Variants in FHIP1A observed in about 807,000 individuals in gnomAD.
FHIP1A encodes FHF complex subunit HOOK interacting protein 1A, also known as FHF complex subunit HOOK-interacting protein 1A.
Under a neutral mutation model 88.6 loss-of-function variants are expected in FHIP1A, and 61 were observed. That is an observed-to-expected ratio of 0.69 (90% CI 0.56 to 0.85). The LOEUF is 0.85. Among genes scored for constraint, FHIP1A ranks in the 40% least tolerant of loss-of-function variants. FHIP1A has a pLI of 0.00. For missense variants in FHIP1A, 1,154 were observed against 1,273.5 expected (o/e 0.91, Z 1.43); for synonymous variants, 478 against 496.0 (o/e 0.96, Z 0.48).
rs926531596 is a variant in FHIP1A at position 151,665,394 on chromosome 4, C to T, written c.*2640C>T. On this transcript the variant is annotated 3_prime_UTR_variant, in exon 14 of 14. Transcript: ENST00000435205. ...CAAACTCACACGATAACACTAACTT[C>T]CTATTTGGATTTGGAAACTGGTTCC... Among the ~76,000 whole-genome samples the T allele has an allele frequency of 9.9e-5, 15 of 152,206 alleles. No individual in the cohort carries two copies. Among genetic ancestry groups the T allele is most frequent in the African/African-American group, 3.6e-4 (15 of 41,434 alleles).
intron 3 of FHIP1A, among the ~76,000 whole-genome samples, chr4:151,545,411 T>C (rs1732458259): frequency 1.6e-5 from 2 of 128,600 alleles, no homozygotes; most frequent in Non-Finnish European, 3.1e-5. Flanking sequence ...AGAGTCTCGC[T>C]CTATCTCCCA....
rs192769952 is a variant in FHIP1A at position 151,421,906 on chromosome 4, C to T, written c.-356+12441C>T. Among the ~76,000 whole-genome samples, 73 of 152,172 alleles carry T rather than the reference C, an allele frequency of 4.8e-4. 1 individual carries two copies. The East Asian group carries it at 0.014, about 29-fold the overall frequency. ...CATATATGATCTAATTTGAGGTATT[C>T]TTGAGTCTTGACAGTGATGGTACTC... On this transcript the variant is annotated intron_variant, in intron 1 of 13. Coordinates refer to ENST00000435205, the MANE Select transcript of FHIP1A (RefSeq NM_001109977.3).
intron 3 of FHIP1A, among the ~76,000 whole-genome samples, chr4:151,556,952 G>A (rs1488647179): frequency 6.6e-6 from 1 of 151,988 alleles, no homozygotes; most frequent in Non-Finnish European, 1.5e-5. Flanking sequence ...AAAAAAAAAT[G>A]TGTTGGTTTC....
intron 3 of FHIP1A, among the ~76,000 whole-genome samples, chr4:151,500,816 A>G (rs192825749): frequency 6.6e-6 from 1 of 152,324 alleles, no homozygotes; most frequent in African/African-American, 2.4e-5. Flanking sequence ...CTTAAATCAG[A>G]AAGATACATG....
chr4:151,537,133 C>T (rs766391563), intron 3 of FHIP1A, among the ~76,000 whole-genome samples: 2 of 152,096 alleles, frequency 1.3e-5, no homozygotes, highest in Non-Finnish European at 2.9e-5. Context: ...CCTCCTCAGC[C>T]TCCCAAAGTG....
chr4:151,610,757 C>T (rs969494874), intron 7 of FHIP1A, among the ~76,000 whole-genome samples: 6 of 152,176 alleles, frequency 3.9e-5, no homozygotes, highest in African/African-American at 1.4e-4. Flanking sequence ...ATGCCACCTC[C>T]CAGATTCTTC....
Position 151,588,855 on chromosome 4 carries a change from A to T in FHIP1A, c.907A>T (p.Ile303Phe). The T allele has an allele frequency of 1.3e-6, 2 of 1,551,076 alleles. No homozygotes were observed. Among genetic ancestry groups the T allele is most frequent in the South Asian group, 2.4e-5 (2 of 84,054 alleles). The stretch of plus-strand genomic sequence containing the variant: ...TCTCTCTCAGGTGGCTCACCCCTTG[A>T]TTCGAAATCAGCTTGTCAATTACAT... ...NAVIQVAHPL[I>F]RNQLVNYIYN... is the part of the protein sequence containing the mutation. The change falls in exon 7 of 14, where the codon ATT becomes TTT. Residue 303 changes from isoleucine to phenylalanine, a missense_variant. By Grantham distance (21) the Ile-to-Phe change is conservative. Coordinates refer to ENST00000435205, the MANE Select transcript of FHIP1A (RefSeq NM_001109977.3).
chr4:151,499,960 T>C (rs2126660649), intron 3 of FHIP1A, among the ~76,000 whole-genome samples: 1 of 152,346 alleles, frequency 6.6e-6, no homozygotes, highest in East Asian at 1.9e-4. Context: ...CCAAACCATA[T>C]GAGTCCCCCT....
chr4:151,670,439 T>C lies in FHIP1A; in HGVS notation c.*7685T>C, dbSNP rs560417307. 28 of 152,328 alleles carry C rather than the reference T, an allele frequency of 1.8e-4. No homozygotes were observed. Among genetic ancestry groups the C allele is most frequent in the African/African-American group, 5.5e-4 (23 of 41,572 alleles). 9.4% of individuals were successfully genotyped at this position (152,328 alleles called of 1,614,324 possible). On this transcript the variant is annotated 3_prime_UTR_variant, in exon 14 of 14. Coordinates refer to ENST00000435205, the MANE Select transcript of FHIP1A (RefSeq NM_001109977.3). ...GTTGTCAGCTGCACAATCTTTGAAG[T>C]GTAAGTTAATTTTTATGTGATATTT...
chr4:151,599,472 T>G (rs138295874), intron 7 of FHIP1A, among the ~76,000 whole-genome samples: 2 of 152,238 alleles, frequency 1.3e-5, no homozygotes, highest in Admixed American at 1.3e-4. Flanking sequence ...GGGGGAAGGC[T>G]GGGAGAGCTT....
chr4:151,628,167 C>T (rs1736023164), intron 7 of FHIP1A, among the ~76,000 whole-genome samples: 1 of 152,080 alleles, frequency 6.6e-6, no homozygotes, highest in African/African-American at 2.4e-5. Flanking sequence ...TGAGAACTTG[C>T]ATTGTTGGCA....
In FHIP1A at chr4:151,656,397, G is replaced by A. The variant is rs1560825755; in HGVS notation, c.2717G>A (p.Arg906His). 22 of 1,551,562 alleles carry A rather than the reference G, an allele frequency of 1.4e-5. No homozygotes were observed. Among genetic ancestry groups the A allele is most frequent in the Non-Finnish European group, 1.9e-5 (22 of 1,146,976 alleles). The change falls in exon 12 of 14, where the codon CGC becomes CAC. Residue 906 changes from arginine (R) to histidine (H), a missense_variant. Coordinates refer to ENST00000435205, the MANE Select transcript of FHIP1A (RefSeq NM_001109977.3). This position sits in a 1 kb window ranked among gnomAD's most constrained non-coding sequence, Gnocchi z 4.2. The stretch of plus-strand genomic sequence containing the variant: ...AACATGGTCTTCCAGCCAAGCGTCC[G>A]CTCTCTCTATCAGGTATGTTAGCTG... ...NTNMVFQPSVRSLYQVLASVK... is the reference protein window; with the variant it reads ...NTNMVFQPSVHSLYQVLASVK...
intron 9 of FHIP1A, among the ~76,000 whole-genome samples, chr4:151,642,275 A>C (rs1054437569): frequency 4.6e-5 from 7 of 152,368 alleles, no homozygotes; most frequent in African/African-American, 1.7e-4. Context: ...AATACATTGA[A>C]TACTATTTCT....
At chr4:151,623,642 C>T (rs1338479545) in intron 7 of FHIP1A, among the ~76,000 whole-genome samples, 1 of 148,354 alleles carries the variant, frequency 6.7e-6, no homozygotes, top group African/African-American at 2.5e-5. Flanking sequence ...TGCACATTCT[C>T]TTTAATCCTC....
intron 3 of FHIP1A, among the ~76,000 whole-genome samples, chr4:151,552,870 A>G (rs927263014): frequency 6.6e-6 from 1 of 151,936 alleles, no homozygotes; most frequent in Admixed American, 6.6e-5. Flanking sequence ...AAAAGATGTA[A>G]TCTGTTAACA....
chr4:151,627,112 G>A (rs891154687), intron 7 of FHIP1A, among the ~76,000 whole-genome samples: 10 of 152,234 alleles, frequency 6.6e-5, no homozygotes, highest in South Asian at 4.1e-4. Flanking sequence ...TTGGTTATTC[G>A]TTTAAGGTGA....
intron 9 of FHIP1A, among the ~76,000 whole-genome samples, chr4:151,643,782 C>T (rs1023071783): frequency 1.3e-5 from 2 of 152,178 alleles, no homozygotes; most frequent in African/African-American, 4.8e-5. Flanking sequence ...TGAATAGACT[C>T]CCCATTTCCA....
chr4:151,575,006 T>G (rs1210103239), intron 4 of FHIP1A, among the ~76,000 whole-genome samples: 1 of 152,114 alleles, frequency 6.6e-6, no homozygotes, highest in Non-Finnish European at 1.5e-5. Context: ...GATTAACAAG[T>G]CAAAGGGCAG....
chr4:151,412,514 T>TA (rs1401133796), intron 1 of FHIP1A, among the ~76,000 whole-genome samples: 1 of 152,166 alleles, frequency 6.6e-6, no homozygotes, highest in Non-Finnish European at 1.5e-5. Context: ...TTTTCCTTGT[T>TA]ACATTTTGTG....
Sources: gnomAD v4.1 joint callset for allele counts (sites outside exome capture counted in the v4.1 genomes callset) on GRCh38, gnomAD v4.1.1 for gene constraint, Gnocchi (gnomAD v3.1) non-coding constraint, MANE v1.5 for transcripts, NCBI Gene and HGNC (gene_info 2026-07-23, HGNC 2026-07-21) for gene names.